The following KCNN1 variants were observed in gnomAD, a reference collection of about 807,000 sequenced individuals.
KCNN1 encodes small conductance calcium-activated potassium channel protein 1.
Under a neutral mutation model 44.7 loss-of-function variants are expected in KCNN1, and 20 were observed. The observed-to-expected ratio is 0.45, with a 90% CI of 0.32 to 0.65. The LOEUF (loss-of-function observed/expected upper bound fraction) is 0.65, where lower values mean the gene tolerates loss of function less well. Ranked by LOEUF, KCNN1 falls within the 30% of genes least tolerant of loss-of-function variation. The pLI is 0.05. For missense variants in KCNN1, 632 were observed against 785.3 expected (o/e 0.80, Z 2.33); for synonymous variants, 324 against 341.7 (o/e 0.95, Z 0.57).
chr19:17,994,085 G>A (rs1469947465), intron 9 of KCNN1, among the ~76,000 whole-genome samples: 2 of 152,042 alleles, frequency 1.3e-5, no homozygotes, highest in Non-Finnish European at 2.9e-5. Context: ...ATAGCCTTGG[G>A]AGAAAGCTTT....
chr19:17,978,363 G>T (rs2032279923), intron 3 of KCNN1, among the ~76,000 whole-genome samples: 1 of 148,072 alleles, frequency 6.8e-6, no homozygotes, highest in Non-Finnish European at 1.5e-5. Context: ...CTGACCTCGT[G>T]TTCCACCCGC....
intron 3 of KCNN1, among the ~76,000 whole-genome samples, chr19:17,979,682 C>A (rs2145940392): frequency 6.6e-6 from 1 of 152,152 alleles, no homozygotes; most frequent in Admixed American, 6.5e-5. Context: ...GGCCAGGGTA[C>A]CCCATGGAGG....
At chr19:17,970,735 T>C (rs2031989270) in intron 1 of KCNN1, among the ~76,000 whole-genome samples, 1 of 151,434 alleles carries the variant, frequency 6.6e-6, no homozygotes, top group Non-Finnish European at 1.5e-5. Flanking sequence ...CACAAAGAAA[T>C]AATTCTTGCA....
At chr19:17,996,957 G>A (rs752781728) in intron 9 of KCNN1, among the ~76,000 whole-genome samples, 7 of 152,228 alleles carry the variant, frequency 4.6e-5, no homozygotes, top group Non-Finnish European at 7.3e-5. Flanking sequence ...AGGCCGCCGC[G>A]GGGTGGCAAA....
At chr19:17,961,313 A>G (rs2031671989) in intron 2 of KCNN1, among the ~76,000 whole-genome samples, 1 of 151,962 alleles carries the variant, frequency 6.6e-6, no homozygotes, top group East Asian at 1.9e-4. Context: ...ACAGTGGTTC[A>G]CGCTTATAAT....
intron 7 of KCNN1, among the ~76,000 whole-genome samples, chr19:17,992,240 G>C (rs1000637510): frequency 6.6e-6 from 1 of 151,730 alleles, no homozygotes; most frequent in Non-Finnish European, 1.5e-5. Context: ...GGAGAATCAC[G>C]TGAACCTGGG....
Position 17,989,838 on chromosome 19 carries a change from C to T in KCNN1, c.1293C>T (p.Ile431=), listed in dbSNP as rs1283108959. 6.2e-7 allele frequency: 1 copy of T among 1,613,420 alleles called. No individual in the cohort carries two copies. Among genetic ancestry groups the T allele is most frequent in the Admixed American group, 1.7e-5 (1 of 59,720 alleles). The change falls in exon 7 of 10, where the codon ATC becomes ATT. Residue 431 remains isoleucine (I), a synonymous_variant. Coordinates refer to ENST00000684775, the MANE Select transcript of KCNN1 (RefSeq NM_001386974.1). ...ACCAGCGTAAGTTCCTCCAAGCCATCCATCAGTAAGTCCAGCACCTTTCCA... is the reference window on the plus strand; with the variant it reads ...ACCAGCGTAAGTTCCTCCAAGCCATTCATCAGTAAGTCCAGCACCTTTCCA... The part of the protein sequence containing the change: ...RKHQRKFLQA[I]HQAQKLRSVK...
Position 18,000,081 on chromosome 19 carries a change from C to T in KCNN1, c.*1675C>T, listed in dbSNP as rs4808110. 216,165 of 452,986 alleles carry T rather than the reference C, an allele frequency of 0.48. 53,152 individuals carry two copies. The highest frequency in any genetic ancestry group is 0.64 in the East Asian group (9,158 of 14,336). The allele number at this position is 452,986 out of a possible 1,614,324, so 28.1% of individuals were successfully genotyped here. On this transcript the variant is annotated 3_prime_UTR_variant, in exon 10 of 10. Coordinates refer to ENST00000684775, the MANE Select transcript of KCNN1 (RefSeq NM_001386974.1). ...GCTCCTTCCCGCCTGAGGGATCACACTGGAGTCTTTGGCAGGACTCATCCT... is the reference window on the plus strand; with the variant it reads ...GCTCCTTCCCGCCTGAGGGATCACATTGGAGTCTTTGGCAGGACTCATCCT...
At chr19:17,995,579 C>T (rs1370914727) in intron 9 of KCNN1, among the ~76,000 whole-genome samples, 1 of 151,828 alleles carries the variant, frequency 6.6e-6, no homozygotes, top group African/African-American at 2.4e-5. Flanking sequence ...TCAAATATTC[C>T]CATATAACTT....
At chr19:17,986,777 C>G (rs1456038227) in intron 5 of KCNN1, among the ~76,000 whole-genome samples, 1 of 149,484 alleles carries the variant, frequency 6.7e-6, no homozygotes, top group Non-Finnish European at 1.5e-5. Flanking sequence ...AGTTACAGGC[C>G]TAAGCAACTG....
At chr19:17,997,505 T>C (rs1195023684) in intron 9 of KCNN1, among the ~76,000 whole-genome samples, 1 of 152,120 alleles carries the variant, frequency 6.6e-6, no homozygotes, top group African/African-American at 2.4e-5. Flanking sequence ...CTTGGCTTGC[T>C]TGCTTTCTTT....
chr19:17,982,698 GC>G, intron 4 of KCNN1: 1 of 707,884 alleles, frequency 1.4e-6, no homozygotes, highest in East Asian at 1.3e-4. Flanking sequence ...GGGAGAACGG[GC>G]CCGGCGGGGT....
At chr19:17,982,646 C>T in intron 4 of KCNN1, 3 of 955,138 alleles carry the variant, frequency 3.1e-6, no homozygotes, top group Middle Eastern at 5.4e-4. Context: ...ATCCCCGACC[C>T]GCTAGGAATT....
At position 17,974,457 on chromosome 19, in the gene KCNN1, A is replaced by G. The variant is rs533573856; in HGVS notation, c.402+167A>G. Among the ~76,000 whole-genome samples the G allele has an allele frequency of 6.6e-6, 1 of 152,234 alleles. No homozygotes were observed. The highest frequency in any genetic ancestry group is 2.4e-5 in the African/African-American group (1 of 41,574). On this transcript the variant is annotated intron_variant, in intron 2 of 9. Transcript: ENST00000684775. This position sits in a 1 kb window ranked among gnomAD's most constrained non-coding sequence, Gnocchi z 7.3. ...TCTGCATACCCACCTCCAGGAAGGT[A>G]GCAGGGAGGCTACACATGGAGAAGG...
rs1382930748 is a variant in KCNN1 at position 17,974,179 on chromosome 19, GGC to G, written c.294_295del (p.Phe100ArgfsTer75). On this transcript the variant is annotated frameshift_variant, in exon 2 of 10. Coordinates refer to ENST00000684775, the MANE Select transcript of KCNN1 (RefSeq NM_001386974.1). The surrounding 1 kb of genome is among the most constrained non-coding windows in gnomAD (Gnocchi z 7.3). The stretch of plus-strand genomic sequence containing the variant: ...TGGGCCACCGCCTGGGCCACCGGCG[GGC>G]GCTCTTCGAGAAGCGGAAGCGCCTC... ...NVGHRLGHRR[A>X]LFEKRKRLSD... 1 of 1,612,844 alleles carries G rather than the reference GGC, an allele frequency of 6.2e-7. No homozygotes were observed.
At chr19:17,995,248 C>G (rs368016300) in intron 9 of KCNN1, among the ~76,000 whole-genome samples, 1 of 151,710 alleles carries the variant, frequency 6.6e-6, no homozygotes, top group Middle Eastern at 3.4e-3. Flanking sequence ...TCATGGCTCA[C>G]CGCAGCCTCA....
chr19:17,975,571 G>A (rs1171856587), intron 3 of KCNN1, among the ~76,000 whole-genome samples: 1 of 151,080 alleles, frequency 6.6e-6, no homozygotes, highest in Non-Finnish European at 1.5e-5. Flanking sequence ...CAGGCGCATG[G>A]CACCACACCT....
chr19:17,978,992 T>C (rs2032303017), intron 3 of KCNN1, among the ~76,000 whole-genome samples: 1 of 147,728 alleles, frequency 6.8e-6, no homozygotes, highest in South Asian at 2.2e-4. Flanking sequence ...CCCAGGGAGG[T>C]CAAGGCTGCA....
intron 3 of KCNN1, among the ~76,000 whole-genome samples, chr19:17,979,432 C>CAAAA (rs35265456): frequency 2.3e-3 from 110 of 48,774 alleles, no homozygotes; most frequent in African/African-American, 8.6e-3. Context: ...GACTCCGTCT[C>CAAAA]AAAAAAAAAA....
Sources: gnomAD v4.1 joint callset for allele counts (sites outside exome capture counted in the v4.1 genomes callset) on GRCh38, gnomAD v4.1.1 for gene constraint, Gnocchi (gnomAD v3.1) non-coding constraint, MANE v1.5 for transcripts, NCBI Gene and HGNC (gene_info 2026-07-23, HGNC 2026-07-21) for gene names.